The following EFCAB14 variants were observed in gnomAD, a reference collection of about 807,000 sequenced individuals.
The protein encoded by EFCAB14 is EF-hand calcium-binding domain-containing protein 14.
A neutral mutation model predicts 56.5 loss-of-function variants in EFCAB14; 43 were observed. That is an observed-to-expected ratio of 0.76 (90% CI 0.60 to 0.98). The LOEUF is 0.98. Ranked by LOEUF, EFCAB14 falls within the 50% of genes least tolerant of loss-of-function variation. EFCAB14 has a pLI of 0.00. For missense variants in EFCAB14, 538 were observed against 580.3 expected, an observed-to-expected ratio of 0.93 and a Z score of 0.75; for synonymous variants, 235 against 212.9, an observed-to-expected ratio of 1.10 and a Z score of -0.90.
chr1:46,704,888 T>C (rs994380674), intron 3 of EFCAB14, among the ~76,000 whole-genome samples: 2 of 101,680 alleles, frequency 2.0e-5, no homozygotes, highest in African/African-American at 8.0e-5. Flanking sequence ...TTTTTTTTTT[T>C]CAAACTAATG....
At chr1:46,690,427 T>C (rs1442170732) in intron 5 of EFCAB14, among the ~76,000 whole-genome samples, 2 of 152,160 alleles carry the variant, frequency 1.3e-5, no homozygotes, top group African/African-American at 4.8e-5. Context: ...GATTTAATTA[T>C]AACAGAATGC....
At chr1:46,711,003 T>C (rs1489668801) in intron 2 of EFCAB14, among the ~76,000 whole-genome samples, 1 of 152,240 alleles carries the variant, frequency 6.6e-6, no homozygotes, top group African/African-American at 2.4e-5. Flanking sequence ...AATAGTATTC[T>C]ACTGTGTATA....
In EFCAB14 at chr1:46,708,025, G is replaced by C; in HGVS notation, c.361C>G (p.Gln121Glu). Reference sequence around the variant, plus strand: ...TCTTCATTAAGTTTGGGGATTTCTTGGAATGAGCTTTTCTGATTAGATTCC... The same window carrying C: ...TCTTCATTAAGTTTGGGGATTTCTTCGAATGAGCTTTTCTGATTAGATTCC... Reference protein sequence around the residue: ...TMESNQKSSFQEIPKLNEELL... With the variant: ...TMESNQKSSFEEIPKLNEELL... Residue 121 changes from glutamine to glutamate, a missense_variant, in exon 3 of 11, where the codon CAA becomes GAA. Gln to Glu is a conservative substitution (Grantham distance 29). Transcript: ENST00000371933. 6.2e-7 allele frequency: 1 copy of C among 1,611,886 alleles called. No homozygotes were observed. Among genetic ancestry groups the C allele is most frequent in the East Asian group, 2.2e-5 (1 of 44,730 alleles).
chr1:46,698,190 A>G (rs1475863512), intron 3 of EFCAB14, among the ~76,000 whole-genome samples: 1 of 152,164 alleles, frequency 6.6e-6, no homozygotes, highest in African/African-American at 2.4e-5. Context: ...TCCCTGAGTA[A>G]GTAGTAGTAG....
chr1:46,698,004 C>T (rs1049530784), intron 3 of EFCAB14, among the ~76,000 whole-genome samples: 5 of 151,796 alleles, frequency 3.3e-5, no homozygotes, highest in African/African-American at 1.2e-4. Context: ...GGTGCATGCC[C>T]CTACACCTGG....
intron 9 of EFCAB14, among the ~76,000 whole-genome samples, 168 bp from the exon 10 acceptor site, chr1:46,683,593 A>G (rs1457471803): frequency 6.6e-6 from 1 of 152,240 alleles, no homozygotes; most frequent in Admixed American, 6.5e-5. Flanking sequence ...GGATTGAGAC[A>G]TATTTGTGGG....
At position 46,691,821 on chromosome 1, in the gene EFCAB14, CCTTACCATATCACTCT is replaced by C; in HGVS notation, c.680_690+5del. ...AGGAGCATGCTGACTTGCTGGGTCT[CCTTACCATATCACTCT>C]GCAGTAATTCCATCGTTTTCTTGTG... is the stretch of plus-strand genomic sequence containing the variant. On this transcript the variant is annotated splice_donor_variant and splice_donor_5th_base_variant and coding_sequence_variant and intron_variant, in exon 5 of 11. Transcript: ENST00000371933. LOFTEE classifies it high-confidence loss of function. 1 of 1,609,288 alleles carries C rather than the reference CCTTACCATATCACTCT, an allele frequency of 6.2e-7. No homozygotes were observed. Among genetic ancestry groups the C allele is most frequent in the Non-Finnish European group, 8.5e-7 (1 of 1,177,068 alleles).
chr1:46,684,750 C>A (rs1469324431), intron 8 of EFCAB14, 148 bp from the exon 9 acceptor site: 2 of 632,752 alleles, frequency 3.2e-6, no homozygotes, highest in Admixed American at 5.4e-5. Context: ...TCAACATATA[C>A]TGGTGATGTC....
intron 2 of EFCAB14, among the ~76,000 whole-genome samples, chr1:46,714,246 C>G (rs7547522): frequency 0.8 from 122,339 of 152,056 alleles, 49,368 homozygotes; most frequent in East Asian, 0.91. Flanking sequence ...GGCTTAAGAT[C>G]GAAAGTAAGA....
chr1:46,703,424 A>G (rs1361363069), intron 3 of EFCAB14, among the ~76,000 whole-genome samples: 2 of 152,090 alleles, frequency 1.3e-5, no homozygotes, highest in Non-Finnish European at 2.9e-5. Flanking sequence ...ATTTTTTTAA[A>G]CTGATCAATA....
chr1:46,683,444 G>T lies in EFCAB14; in HGVS notation c.1187-19C>A. The T allele has an allele frequency of 6.2e-7, 1 of 1,608,342 alleles. No homozygotes were observed. Among genetic ancestry groups the T allele is most frequent in the Non-Finnish European group, 8.5e-7 (1 of 1,177,756 alleles). ...ACTTGCTCTGTAACAAATACATAAGGTTTTATTTAGTATTATTGAATCTAA... is the reference window on the plus strand; with the variant it reads ...ACTTGCTCTGTAACAAATACATAAGTTTTTATTTAGTATTATTGAATCTAA... On this transcript the variant is annotated intron_variant, in intron 9 of 10. Coordinates refer to ENST00000371933, the MANE Select transcript of EFCAB14 (RefSeq NM_014774.3).
chr1:46,717,047 T>C (rs1677407929), intron 1 of EFCAB14, among the ~76,000 whole-genome samples: 1 of 152,256 alleles, frequency 6.6e-6, no homozygotes, highest in East Asian at 1.9e-4. Flanking sequence ...GTAGGGTTAC[T>C]ACTCCAGGTA....
intron 10 of EFCAB14, among the ~76,000 whole-genome samples, chr1:46,681,919 G>A (rs1676801914): frequency 6.6e-6 from 1 of 151,484 alleles, no homozygotes; most frequent in Non-Finnish European, 1.5e-5. Context: ...CAGGAAGCTT[G>A]TGTTCCCATT....
rs929189403 is a variant in EFCAB14, at chr1:46,677,687, G to A, written c.*774C>T. 1 of 152,118 alleles carries A rather than the reference G, an allele frequency of 6.6e-6. No homozygotes were observed. Among genetic ancestry groups the A allele is most frequent in the Admixed American group, 6.6e-5 (1 of 15,264 alleles). 9.4% of individuals were successfully genotyped at this position (152,118 alleles called of 1,614,324 possible). A position where few individuals can be genotyped will look rare whatever the true frequency, so the allele number is the denominator to read the frequency against. ...TAAACCCTGAAATAGTACTAAAAATGAGAAAAATCCCCAAGACTTCTCTGA... is the reference window on the plus strand; with the variant it reads ...TAAACCCTGAAATAGTACTAAAAATAAGAAAAATCCCCAAGACTTCTCTGA... On this transcript the variant is annotated 3_prime_UTR_variant, in exon 11 of 11. Transcript: ENST00000371933.
At chr1:46,714,386 G>C (rs1027261279) in intron 2 of EFCAB14, among the ~76,000 whole-genome samples, 3 of 141,042 alleles carry the variant, frequency 2.1e-5, no homozygotes, top group African/African-American at 7.9e-5. Context: ...CCTTTGCTTA[G>C]AAGATTAACC....
intron 8 of EFCAB14, chr1:46,685,219 T>C (rs145967609): frequency 2.1e-4 from 32 of 152,348 alleles, no homozygotes; most frequent in African/African-American, 7.5e-4. Context: ...TTAAAAAAGT[T>C]TTTTCGCCCA....
intron 3 of EFCAB14, among the ~76,000 whole-genome samples, chr1:46,697,291 T>C (rs1395237811): frequency 2.0e-5 from 3 of 152,214 alleles, no homozygotes; most frequent in East Asian, 1.9e-4. Flanking sequence ...ACTGATGCAA[T>C]GTATGTATTA....
intron 10 of EFCAB14, among the ~76,000 whole-genome samples, chr1:46,682,741 C>T (rs573102532): frequency 2.6e-5 from 4 of 152,320 alleles, no homozygotes; most frequent in East Asian, 3.9e-4. Context: ...GTGCAAGCTT[C>T]GGCCAGGTGA....
intron 3 of EFCAB14, among the ~76,000 whole-genome samples, chr1:46,697,378 G>A (rs903337615): frequency 1.3e-5 from 2 of 152,122 alleles, no homozygotes; most frequent in East Asian, 3.8e-4. Context: ...TCTAGACTTC[G>A]CTCTTGAATG....
Sources: gnomAD v4.1 joint callset for allele counts (sites outside exome capture counted in the v4.1 genomes callset) on GRCh38, gnomAD v4.1.1 for gene constraint, MANE v1.5 for transcripts, NCBI Gene and HGNC (gene_info 2026-07-23, HGNC 2026-07-21) for gene names.